MLIP: variants seen among roughly 807,000 people sequenced by gnomAD.
MLIP encodes the protein muscular LMNA interacting protein, also known as muscular LMNA-interacting protein.
MLIP carries 79 observed loss-of-function variants against 84.8 expected under a neutral mutation model. The ratio of observed to expected loss-of-function variants is 0.93; its 90% CI spans 0.78 to 1.12. The LOEUF is 1.12. Among genes scored for constraint, MLIP ranks in the 50% most tolerant of loss-of-function variants. The pLI, the probability that MLIP is intolerant of heterozygous loss-of-function variation, is 0.00. For missense variants in MLIP, 1,257 were observed against 1,160.6 expected (o/e 1.08, Z -1.21); for synonymous variants, 504 against 463.0 (o/e 1.09, Z -1.14).
At chr6:54,189,809 C>A in intron 9 of MLIP, 61 bp from the exon 10 acceptor site, 1 of 1,251,636 alleles carries the variant, frequency 8.0e-7, no homozygotes, top group Non-Finnish European at 1.2e-6. Context: ...AATACTTAAA[C>A]ACATACATAT....
chr6:54,085,259 T>C (rs1487801421), intron 1 of MLIP, among the ~76,000 whole-genome samples: 2 of 152,124 alleles, frequency 1.3e-5, no homozygotes, highest in South Asian at 2.1e-4. Flanking sequence ...TGAGAAACAT[T>C]GTGTGACAAT....
rs1471268391 is a variant in MLIP at position 54,137,990 on chromosome 6, C to G, written c.1921C>G (p.Leu641Val). The change falls in exon 4 of 14, where the codon CTT (leucine) becomes GTT (valine). Residue 641 changes from leucine (L) to valine (V), a missense_variant. Coordinates refer to ENST00000502396, the MANE Select transcript of MLIP (RefSeq NM_001281747.2). Reference sequence around the variant, plus strand: ...TGGCCAGGAGCTGAATCCTTCAGCTCTTCCTTCACTCCCTGTCTCCAGTGC... The same window carrying G: ...TGGCCAGGAGCTGAATCCTTCAGCTGTTCCTTCACTCCCTGTCTCCAGTGC... ...LSGQELNPSA[L>V]PSLPVSSADF... 23 of 1,535,970 alleles carry G rather than the reference C, an allele frequency of 1.5e-5. No homozygotes were observed. Among genetic ancestry groups the G allele is most frequent in the Non-Finnish European group, 1.9e-5 (22 of 1,146,894 alleles).
chr6:54,214,456 G>A (rs1779708487), intron 11 of MLIP, among the ~76,000 whole-genome samples: 1 of 152,206 alleles, frequency 6.6e-6, no homozygotes, highest in Non-Finnish European at 1.5e-5. Flanking sequence ...AGTGCTGACA[G>A]TGGTCATGGG....
At chr6:54,181,236 T>C (rs996137096) in intron 9 of MLIP, among the ~76,000 whole-genome samples, 1 of 152,182 alleles carries the variant, frequency 6.6e-6, no homozygotes, top group African/African-American at 2.4e-5. Flanking sequence ...AAGTTCTTTC[T>C]GCTCTTCCCT....
intron 1 of MLIP, among the ~76,000 whole-genome samples, chr6:54,054,736 A>G (rs1293265381): frequency 6.6e-6 from 1 of 152,230 alleles, no homozygotes; most frequent in East Asian, 1.9e-4. Context: ...TTCCCGTTAA[A>G]GTCAGTGTGC....
intron 4 of MLIP, among the ~76,000 whole-genome samples, chr6:54,148,322 G>A (rs143275060): frequency 5.9e-4 from 90 of 152,204 alleles, no homozygotes; most frequent in Non-Finnish European, 2.5e-4. Context: ...GCTTCCTCAT[G>A]CTCACCCATC....
intron 5 of MLIP, among the ~76,000 whole-genome samples, chr6:54,155,990 A>C (rs1773984060): frequency 6.6e-6 from 1 of 152,148 alleles, no homozygotes; most frequent in East Asian, 1.9e-4. Context: ...AATAACAATA[A>C]TTTATTAGAT....
Position 54,136,764 on chromosome 6 carries a change from C to A in MLIP, c.695C>A (p.Ala232Asp), listed in dbSNP as rs1582239652. ...TSEQLACKPPAFSFVSPTNPN... is the reference protein window; with the variant it reads ...TSEQLACKPPDFSFVSPTNPN... ...GAGCAGCTTGCCTGTAAACCACCTGCTTTCTCCTTTGTTTCTCCAACTAAT... is the reference window on the plus strand; with the variant it reads ...GAGCAGCTTGCCTGTAAACCACCTGATTTCTCCTTTGTTTCTCCAACTAAT... Residue 232 changes from alanine (A) to aspartate (D), a missense_variant, in exon 4 of 14, where the codon GCT (alanine) becomes GAT (aspartate). Physicochemically the swap from Ala to Asp is moderately radical, Grantham distance 126 (BLOSUM62 -2). Coordinates refer to ENST00000502396, the MANE Select transcript of MLIP (RefSeq NM_001281747.2). The A allele has an allele frequency of 2.6e-6, 4 of 1,518,730 alleles. No individual in the cohort carries two copies. The highest frequency in any genetic ancestry group is 3.5e-6 in the Non-Finnish European group (4 of 1,133,206). The allele number at this position is 1,518,730 out of a possible 1,614,324, so 94.1% of individuals were successfully genotyped here.
intron 11 of MLIP, among the ~76,000 whole-genome samples, chr6:54,219,567 T>C (rs1373056231): frequency 6.6e-6 from 1 of 152,160 alleles, no homozygotes; most frequent in Non-Finnish European, 1.5e-5. Context: ...AGGCTGCTTT[T>C]ATGTTACTAT....
At chr6:54,047,864 A>G (rs1582028105) in intron 1 of MLIP, among the ~76,000 whole-genome samples, 1 of 152,242 alleles carries the variant, frequency 6.6e-6, no homozygotes, top group East Asian at 1.9e-4. Flanking sequence ...CCCCTTTTCA[A>G]TAGTCTACAG....
intron 1 of MLIP, among the ~76,000 whole-genome samples, chr6:54,023,036 A>G (rs575083130): frequency 3.2e-4 from 48 of 152,046 alleles, no homozygotes; most frequent in African/African-American, 9.2e-4. Context: ...GCGTGGTGGC[A>G]GGCACCTGTA....
intron 1 of MLIP, chr6:54,047,582 T>A (rs1582027328): frequency 6.6e-6 from 1 of 151,486 alleles, no homozygotes; most frequent in Non-Finnish European, 1.5e-5. Flanking sequence ...GAATGCAGAG[T>A]CAAGCGGAAC....
intron 1 of MLIP, among the ~76,000 whole-genome samples, chr6:54,093,566 A>C (rs1305484687): frequency 6.6e-6 from 1 of 152,108 alleles, no homozygotes; most frequent in African/African-American, 2.4e-5. Flanking sequence ...TGCTAAAACG[A>C]GGGGGCTTTT....
rs1455328198 is a variant in MLIP, at chr6:54,067,241, C to T, written c.63+48150C>T. Among the ~76,000 whole-genome samples the T allele has an allele frequency of 2.0e-5, 2 of 100,594 alleles. 1 individual carries two copies. Among genetic ancestry groups the T allele is most frequent in the African/African-American group, 5.1e-5 (2 of 39,262 alleles). The allele number at this position is 100,594 out of a possible 152,430, so 66.0% of individuals were successfully genotyped here. ...AGTTGGTATTTGATCTTTAGCATGA[C>T]ACTAAGATTAATTCAGTATATTGTA... On this transcript the variant is annotated intron_variant, in intron 1 of 12. Transcript: ENST00000274897.
chr6:54,231,421 G>A (rs111685328), intron 12 of MLIP, among the ~76,000 whole-genome samples: 2 of 152,156 alleles, frequency 1.3e-5, no homozygotes, highest in South Asian at 2.1e-4. Flanking sequence ...ATAGTAACGC[G>A]ATGTGTAAAA....
In MLIP at chr6:54,126,587, A is replaced by G. The variant is rs751997525; in HGVS notation, c.645+1722A>G. ...ACCATTGCTCTTGTTTCCATTTCCTATAATAATCCACTTGAGTGAACTGTA... is the reference window on the plus strand; with the variant it reads ...ACCATTGCTCTTGTTTCCATTTCCTGTAATAATCCACTTGAGTGAACTGTA... On this transcript the variant is annotated intron_variant, in intron 3 of 13. Transcript: ENST00000502396. 3.6e-4 allele frequency among the ~76,000 whole-genome samples: 54 copies of G among 152,100 alleles called. 1 individual carries two copies. The highest frequency in any genetic ancestry group is 1.5e-3 in the South Asian group (7 of 4,814).
At chr6:54,094,400 T>A (rs1768069208) in intron 1 of MLIP, among the ~76,000 whole-genome samples, 1 of 152,154 alleles carries the variant, frequency 6.6e-6, no homozygotes, top group African/African-American at 2.4e-5. Context: ...AGTCTGCATA[T>A]TTTTATTTTA....
chr6:54,254,660 G>A (rs916948419), intron 12 of MLIP, among the ~76,000 whole-genome samples: 2 of 151,954 alleles, frequency 1.3e-5, no homozygotes, highest in Non-Finnish European at 2.9e-5. Context: ...AAAGTAGGAA[G>A]GCTAGAGTTA....
At chr6:54,096,161 A>G (rs1163104004) in intron 1 of MLIP, among the ~76,000 whole-genome samples, 2 of 152,192 alleles carry the variant, frequency 1.3e-5, no homozygotes, top group Non-Finnish European at 2.9e-5. Flanking sequence ...GCATGCCTGC[A>G]GTCCAAGATA....
Sources: gnomAD v4.1 joint callset for allele counts (sites outside exome capture counted in the v4.1 genomes callset) on GRCh38, gnomAD v4.1.1 for gene constraint, MANE v1.5 for transcripts, NCBI Gene and HGNC (gene_info 2026-07-23, HGNC 2026-07-21) for gene names.